KCNT2: variants seen among roughly 807,000 people sequenced by gnomAD.
KCNT2 encodes the protein potassium sodium-activated channel subfamily T member 2.
In KCNT2, 67 loss-of-function variants were observed where a neutral mutation model predicts 153.8. The ratio of observed to expected loss-of-function variants is 0.44; its 90% confidence interval spans 0.36 to 0.53. KCNT2 has a LOEUF of 0.53. Ranked by LOEUF, KCNT2 falls within the 20% of genes least tolerant of loss-of-function variation. KCNT2 has a pLI of 0.00. For synonymous variants in KCNT2, 500 were observed against 458.8 expected (o/e 1.09, Z -1.15); for missense variants, 975 against 1,354.8 (o/e 0.72, Z 4.40).
chr1:196,304,003 C>A (rs1413526190), intron 22 of KCNT2, among the ~76,000 whole-genome samples: 1 of 152,106 alleles, frequency 6.6e-6, no homozygotes, highest in African/African-American at 2.4e-5. Context: ...ATATTAATAG[C>A]CTTACATATG....
intron 1 of KCNT2, among the ~76,000 whole-genome samples, chr1:196,568,721 A>G (rs6680890): frequency 0.84 from 127,400 of 151,494 alleles, 57,737 homozygotes; most frequent in Non-Finnish European, 1. Context: ...AACAGGCCAC[A>G]GACCAGTATT....
At chr1:196,361,198 A>T (rs1014290043) in intron 14 of KCNT2, among the ~76,000 whole-genome samples, 2 of 150,676 alleles carry the variant, frequency 1.3e-5, no homozygotes, top group Non-Finnish European at 3.0e-5. Flanking sequence ...TCTCCAACAG[A>T]CACCAGACAC....
At position 196,251,266 on chromosome 1, in the gene KCNT2, C is replaced by T. The variant is rs552650379; in HGVS notation, c.3211+6928G>A. 4.6e-5 allele frequency among the ~76,000 whole-genome samples: 7 copies of T among 152,054 alleles called. 1 individual carries two copies. The highest frequency in any genetic ancestry group is 3.4e-3 in the Middle Eastern group (1 of 294). ...ATACATATATACAATGGAGTAAAGACGCCTTTCTACTTTTTTTGATTTGCA... is the reference window on the plus strand; with the variant it reads ...ATACATATATACAATGGAGTAAAGATGCCTTTCTACTTTTTTTGATTTGCA... On this transcript the variant is annotated intron_variant, in intron 26 of 27. Coordinates refer to ENST00000294725, the MANE Select transcript of KCNT2 (RefSeq NM_198503.5).
At chr1:196,357,839 C>A (rs571314409) in intron 14 of KCNT2, among the ~76,000 whole-genome samples, 1 of 151,934 alleles carries the variant, frequency 6.6e-6, no homozygotes, top group Admixed American at 6.6e-5. Context: ...CTTTATATTT[C>A]TCTTTATACT....
At chr1:196,303,660 G>A (rs1442503497) in intron 22 of KCNT2, among the ~76,000 whole-genome samples, 1 of 152,110 alleles carries the variant, frequency 6.6e-6, no homozygotes, top group African/African-American at 2.4e-5. Flanking sequence ...ATTATGTGCT[G>A]TAATCTTTAT....
chr1:196,307,732 C>G (rs765994079), intron 21 of KCNT2, among the ~76,000 whole-genome samples: 2 of 152,002 alleles, frequency 1.3e-5, no homozygotes, highest in Non-Finnish European at 2.9e-5. Context: ...CAGCTCTATT[C>G]TCACTCAAAA....
chr1:196,301,839 A>G (rs1159950540), intron 22 of KCNT2, among the ~76,000 whole-genome samples: 1 of 152,160 alleles, frequency 6.6e-6, no homozygotes, highest in African/African-American at 2.4e-5. Context: ...TCCTGGATTC[A>G]AGCGATTCTC....
At chr1:196,379,565 T>TTCTCTCTCTC (rs67709356) in intron 13 of KCNT2, among the ~76,000 whole-genome samples, 2,520 of 136,106 alleles carry the variant, frequency 0.019, 39 homozygotes, top group African/African-American at 0.039. Flanking sequence ...CAGTGAGACT[T>TTCTCTCTCTC]TCTCTCTCTC....
chr1:196,394,392 A>T (rs938709060), intron 13 of KCNT2, among the ~76,000 whole-genome samples: 2 of 151,684 alleles, frequency 1.3e-5, no homozygotes, highest in Non-Finnish European at 3.0e-5. Flanking sequence ...ATTAGGTAGT[A>T]CAACCGATAG....
chr1:196,556,887 C>G (rs1258078227), intron 1 of KCNT2, among the ~76,000 whole-genome samples: 1 of 151,318 alleles, frequency 6.6e-6, no homozygotes, highest in Non-Finnish European at 1.5e-5. Context: ...CACTGAAAGA[C>G]AAACATTGCA....
chr1:196,396,036 CT>C (rs1419956100), intron 13 of KCNT2, among the ~76,000 whole-genome samples: 2 of 151,622 alleles, frequency 1.3e-5, no homozygotes, highest in Non-Finnish European at 3.0e-5. Flanking sequence ...AACCTCCAAA[CT>C]TCAGTGACTT....
At chr1:196,378,473 T>G (rs1207601014) in intron 13 of KCNT2, among the ~76,000 whole-genome samples, 2 of 151,956 alleles carry the variant, frequency 1.3e-5, no homozygotes, top group Non-Finnish European at 2.9e-5. Context: ...GATGAGTGTT[T>G]TCTCATTTAT....
At chr1:196,556,209 A>G (rs751739742) in intron 1 of KCNT2, among the ~76,000 whole-genome samples, 54 of 151,574 alleles carry the variant, frequency 3.6e-4, no homozygotes, top group Admixed American at 1.6e-3. Flanking sequence ...CAAAGTGAAG[A>G]CACAACACAC....
chr1:196,285,792 G>T, intron 22 of KCNT2, 34 bp from the exon 23 acceptor site: 1 of 1,268,674 alleles, frequency 7.9e-7, no homozygotes, highest in Non-Finnish European at 1.2e-6. Flanking sequence ...AAATTTGTGA[G>T]CATTCCACAT....
chr1:196,258,349 C>T lies in KCNT2; in HGVS notation c.3056G>A (p.Arg1019Gln), dbSNP rs773845489. The change falls in exon 26 of 28, where the codon CGA (arginine) becomes CAA (glutamine). Residue 1019 changes from arginine to glutamine, a missense_variant. Physicochemically the swap from Arg to Gln is conservative, Grantham distance 43 (BLOSUM62 1). Transcript: ENST00000294725. ...LLRRKSMQWA[R>Q]RLSRKGPKHS... is the part of the protein sequence containing the mutation. ...TTTTGGGCCTTTTCTGCTCAGTCTT[C>T]GGGCCCACTGCATGCTTTTTCTCCG... The T allele has an allele frequency of 6.8e-6, 11 of 1,613,844 alleles. No homozygotes were observed. Among genetic ancestry groups the T allele is most frequent in the South Asian group, 5.5e-5 (5 of 91,080 alleles).
chr1:196,423,975 A>C (rs1673432696), intron 11 of KCNT2, among the ~76,000 whole-genome samples: 2 of 151,944 alleles, frequency 1.3e-5, no homozygotes, highest in African/African-American at 4.8e-5. Flanking sequence ...AAAATGTATT[A>C]GTTTATATTA....
chr1:196,340,265 T>G, intron 16 of KCNT2, 76 bp downstream of exon 16: 1 of 914,692 alleles, frequency 1.1e-6, no homozygotes, highest in Non-Finnish European at 1.6e-6. Context: ...TAATAAAAAT[T>G]TAAATGCATT....
At chr1:196,378,893 T>C (rs897558611) in intron 13 of KCNT2, among the ~76,000 whole-genome samples, 1 of 149,974 alleles carries the variant, frequency 6.7e-6, no homozygotes, top group African/African-American at 2.4e-5. Flanking sequence ...CTAAAACTAC[T>C]ACCTCCCCCA....
At chr1:196,394,876 C>A (rs1045694284) in intron 13 of KCNT2, among the ~76,000 whole-genome samples, 1 of 151,234 alleles carries the variant, frequency 6.6e-6, no homozygotes, top group African/African-American at 2.4e-5. Flanking sequence ...TATGTTTGTA[C>A]CTAAATGACA....
Sources: gnomAD v4.1 joint callset for allele counts (sites outside exome capture counted in the v4.1 genomes callset) on GRCh38, gnomAD v4.1.1 for gene constraint, MANE v1.5 for transcripts, NCBI Gene and HGNC (gene_info 2026-07-23, HGNC 2026-07-21) for gene names.